Variants in EFNA5 observed in about 807,000 individuals in gnomAD.
EFNA5 encodes the protein ephrin-A5.
A neutral mutation model predicts 22.9 loss-of-function variants in EFNA5; 5 were observed. The observed-to-expected ratio is 0.22, with a 90% CI of 0.11 to 0.46. EFNA5 has a LOEUF of 0.46. Ranked by LOEUF, EFNA5 falls within the 20% of genes least tolerant of loss-of-function variation. The pLI is 0.99. For missense variants in EFNA5, 237 were observed against 293.3 expected (o/e 0.81, Z 1.40); for synonymous variants, 113 against 112.2 (o/e 1.01, Z -0.04).
intron 1 of EFNA5, among the ~76,000 whole-genome samples, chr5:107,493,898 C>G (rs1374542899): frequency 6.6e-6 from 1 of 152,202 alleles, no homozygotes; most frequent in Non-Finnish European, 1.5e-5. Flanking sequence ...GGCACAGGCA[C>G]TTACCCAAGT....
At chr5:107,419,084 G>A (rs924718225) in intron 2 of EFNA5, among the ~76,000 whole-genome samples, 7 of 152,228 alleles carry the variant, frequency 4.6e-5, no homozygotes, top group Non-Finnish European at 1.0e-4. Flanking sequence ...CCAGAAGGCA[G>A]AGGTACAGGT....
intron 2 of EFNA5, among the ~76,000 whole-genome samples, chr5:107,417,472 A>T (rs1748532191): frequency 6.6e-6 from 1 of 152,168 alleles, no homozygotes; most frequent in Admixed American, 6.5e-5. Context: ...AAGTCCACAT[A>T]TTTCCCCTAT....
At chr5:107,385,058 C>T (rs1747574616) in intron 4 of EFNA5, among the ~76,000 whole-genome samples, 1 of 151,960 alleles carries the variant, frequency 6.6e-6, no homozygotes, top group Admixed American at 6.6e-5. Context: ...GCATGTACAC[C>T]TACGCTCTAC....
chr5:107,626,456 T>A (rs867220000), intron 1 of EFNA5, among the ~76,000 whole-genome samples: 30 of 151,964 alleles, frequency 2.0e-4, no homozygotes, highest in African/African-American at 2.4e-4. Context: ...TTAAAAAAAA[T>A]TTTTTTTAGA....
At chr5:107,486,301 C>T (rs576067637) in intron 1 of EFNA5, among the ~76,000 whole-genome samples, 1 of 152,276 alleles carries the variant, frequency 6.6e-6, no homozygotes, top group African/African-American at 2.4e-5. Flanking sequence ...ATTTAGCCTA[C>T]CGGCTTCTCC....
intron 2 of EFNA5, among the ~76,000 whole-genome samples, chr5:107,426,402 A>G (rs1011370422): frequency 5.9e-5 from 9 of 152,348 alleles, no homozygotes; most frequent in African/African-American, 2.2e-4. Context: ...TCATACATCC[A>G]GAATTTCAGG....
intron 1 of EFNA5, among the ~76,000 whole-genome samples, chr5:107,495,460 G>A (rs1359601957): frequency 2.0e-5 from 3 of 152,198 alleles, no homozygotes; most frequent in Non-Finnish European, 4.4e-5. Context: ...TCATCGCGAG[G>A]GTCCGCGGCC....
chr5:107,419,193 A>C (rs1046703222), intron 2 of EFNA5, among the ~76,000 whole-genome samples: 2 of 152,228 alleles, frequency 1.3e-5, no homozygotes, highest in Non-Finnish European at 2.9e-5. Flanking sequence ...AGGAAATTAC[A>C]ATTAACAGAA....
At chr5:107,664,117 A>G (rs4957705) in intron 1 of EFNA5, among the ~76,000 whole-genome samples, 48,440 of 151,958 alleles carry the variant, frequency 0.32, 8,747 homozygotes, top group South Asian at 0.51. Context: ...AGAAGCCTCA[A>G]AAACAAGAAT....
intron 1 of EFNA5, among the ~76,000 whole-genome samples, chr5:107,581,247 C>G (rs911120613): frequency 6.6e-6 from 1 of 152,154 alleles, no homozygotes; most frequent in East Asian, 1.9e-4. Context: ...TAAACTGTTT[C>G]ATAAACACAG....
chr5:107,454,085 A>C (rs1385212791), intron 1 of EFNA5, among the ~76,000 whole-genome samples: 2 of 152,288 alleles, frequency 1.3e-5, no homozygotes, highest in Non-Finnish European at 1.5e-5. Context: ...ATAGCTAACT[A>C]GCATGAACGT....
chr5:107,496,514 G>C (rs1580494955), intron 1 of EFNA5, among the ~76,000 whole-genome samples: 1 of 152,038 alleles, frequency 6.6e-6, no homozygotes, highest in Non-Finnish European at 1.5e-5. Flanking sequence ...GAGGGATTGA[G>C]AAGTACCTTA....
chr5:107,398,854 C>CAAAA (rs1214380627), intron 2 of EFNA5, among the ~76,000 whole-genome samples: 1,402 of 64,892 alleles, frequency 0.022, 31 homozygotes, highest in South Asian at 0.033. Flanking sequence ...GACACTGCCT[C>CAAAA]AAAAAAAAAA....
intron 2 of EFNA5, among the ~76,000 whole-genome samples, chr5:107,411,439 T>A (rs139252302): frequency 6.6e-6 from 1 of 152,350 alleles, no homozygotes; most frequent in East Asian, 1.9e-4. Context: ...TATAAGCCAA[T>A]CAAATTCCTT....
chr5:107,539,290 A>G (rs163764), intron 1 of EFNA5, among the ~76,000 whole-genome samples: 12,961 of 152,236 alleles, frequency 0.085, 1,439 homozygotes, highest in African/African-American at 0.26. Flanking sequence ...AGCCCTGTAC[A>G]CACAAGGGAT....
intron 1 of EFNA5, among the ~76,000 whole-genome samples, chr5:107,622,971 A>G (rs1353856838): frequency 7.6e-6 from 1 of 130,802 alleles, no homozygotes; most frequent in African/African-American, 2.8e-5. Context: ...CAGTGAGCCG[A>G]GATTGCGCCA....
chr5:107,626,156 A>C (rs1460776943), intron 1 of EFNA5, among the ~76,000 whole-genome samples: 1 of 152,224 alleles, frequency 6.6e-6, no homozygotes, highest in African/African-American at 2.4e-5. Flanking sequence ...AGTCCAATTA[A>C]AATGTGGTGC....
At chr5:107,647,154 G>A (rs1426166037) in intron 1 of EFNA5, among the ~76,000 whole-genome samples, 2 of 152,068 alleles carry the variant, frequency 1.3e-5, no homozygotes, top group Non-Finnish European at 2.9e-5. Flanking sequence ...GTATATGTAT[G>A]TATTTAAGTA....
intron 1 of EFNA5, among the ~76,000 whole-genome samples, chr5:107,570,098 G>A (rs1041581339): frequency 6.6e-6 from 1 of 152,096 alleles, no homozygotes; most frequent in Non-Finnish European, 1.5e-5. Flanking sequence ...TCTGAGGAGA[G>A]ACCTACCTCC....
Sources: allele counts gnomAD v4.1 joint callset (sites outside exome capture counted in the v4.1 genomes callset), GRCh38; gene constraint gnomAD v4.1.1; transcripts MANE v1.5; gene names NCBI Gene and HGNC (gene_info 2026-07-23, HGNC 2026-07-21).